Variants in CHRNA7 observed in about 807,000 individuals in gnomAD.
The protein encoded by CHRNA7 is cholinergic receptor nicotinic alpha 7 subunit.
In CHRNA7, 17 loss-of-function variants were observed where a neutral mutation model predicts 48.0. The ratio of observed to expected loss-of-function variants is 0.35; its 90% CI spans 0.24 to 0.53. CHRNA7 has a LOEUF of 0.53. Ranked by LOEUF, CHRNA7 falls within the 20% of genes least tolerant of loss-of-function variation. The probability of loss-of-function intolerance (pLI) is 0.92; values close to 1 mark genes in which losing one functional copy is unlikely to be tolerated. For missense variants in CHRNA7, 155 were observed against 577.7 expected (o/e 0.27, Z 7.50); for synonymous variants, 75 against 242.3 (o/e 0.31, Z 6.41).
intron 2 of CHRNA7, 26 bp downstream of exon 2, chr15:32,031,063 G>T (rs1171636274): frequency 6.2e-7 from 1 of 1,612,856 alleles, no homozygotes; most frequent in Non-Finnish European, 8.5e-7. Flanking sequence ...CTACAGGGCT[G>T]CCCTCTCCCC....
At chr15:32,066,198 T>C (rs1242669286) in intron 2 of CHRNA7, among the ~76,000 whole-genome samples, 1 of 152,118 alleles carries the variant, frequency 6.6e-6, no homozygotes, top group African/African-American at 2.4e-5. Context: ...ACAGAATTAG[T>C]TGAGAAAAGT....
At chr15:32,077,513 CATT>C (rs776594723) in intron 2 of CHRNA7, among the ~76,000 whole-genome samples, 8 of 152,090 alleles carry the variant, frequency 5.3e-5, no homozygotes, top group African/African-American at 1.9e-4. Flanking sequence ...AGTGGTATCT[CATT>C]GTTGTTTTAC....
chr15:32,169,040 A>C lies in CHRNA7; in HGVS notation c.*582A>C, dbSNP rs529124447. ...TGATGCTGTTTCTACATTAAAAAAA[A>C]AAAAAAAAGACAGACTGTTGGTCTT... On this transcript the variant is annotated 3_prime_UTR_variant, in exon 10 of 10. Transcript: ENST00000306901. 6.7e-6 allele frequency: 1 copy of C among 149,384 alleles called. No homozygotes were observed. The highest frequency in any genetic ancestry group is 2.6e-5 in the African/African-American group (1 of 38,936). 9.3% of individuals were successfully genotyped at this position (149,384 alleles called of 1,614,324 possible).
At chr15:32,104,768 G>A (rs1019056490) in intron 3 of CHRNA7, among the ~76,000 whole-genome samples, 13 of 152,202 alleles carry the variant, frequency 8.5e-5, no homozygotes, top group Non-Finnish European at 1.3e-4. Context: ...CAGCACTTTC[G>A]TACTGTGTGT....
chr15:32,101,871 G>T (rs1595447437), intron 3 of CHRNA7: 1 of 152,346 alleles, frequency 6.6e-6, no homozygotes, highest in Non-Finnish European at 1.5e-5. Context: ...AATTGCAAAT[G>T]ATGCCACTTA....
At chr15:32,137,288 AAC>A (rs1370217187) in intron 4 of CHRNA7, among the ~76,000 whole-genome samples, 14 of 152,032 alleles carry the variant, frequency 9.2e-5, no homozygotes, top group African/African-American at 3.4e-4. Context: ...AAAAAGGAAA[AAC>A]AAAAACAGGA....
chr15:32,046,455 C>T (rs1359567299), intron 2 of CHRNA7, among the ~76,000 whole-genome samples: 13 of 149,616 alleles, frequency 8.7e-5, no homozygotes, highest in Admixed American at 4.7e-4. Flanking sequence ...CTTTTGGCTG[C>T]ATAAATGTCT....
chr15:32,151,985 G>A (rs1206709331), intron 4 of CHRNA7, among the ~76,000 whole-genome samples: 4 of 152,152 alleles, frequency 2.6e-5, no homozygotes. Context: ...CTGGGGTGCT[G>A]GTACTTTGAC....
chr15:32,087,272 T>C (rs1031979123), intron 2 of CHRNA7, among the ~76,000 whole-genome samples: 24 of 152,266 alleles, frequency 1.6e-4, no homozygotes, highest in African/African-American at 5.8e-4. Flanking sequence ...CACTAGGTAC[T>C]TGTTAAATTT....
chr15:32,090,232 C>T (rs2050361986), intron 2 of CHRNA7, among the ~76,000 whole-genome samples: 1 of 152,176 alleles, frequency 6.6e-6, no homozygotes, highest in South Asian at 2.1e-4. Context: ...CAGGGATAAG[C>T]TCTGAGAAAC....
intron 2 of CHRNA7, among the ~76,000 whole-genome samples, chr15:32,062,487 C>A (rs28704995): frequency 0.11 from 17,144 of 152,016 alleles, 1,512 homozygotes; most frequent in African/African-American, 0.24. Flanking sequence ...TCCAGTAGAC[C>A]TGTAATTTTC....
chr15:32,127,526 T>A (rs1341909466), intron 4 of CHRNA7, among the ~76,000 whole-genome samples: 1 of 152,158 alleles, frequency 6.6e-6, no homozygotes, highest in Non-Finnish European at 1.5e-5. Flanking sequence ...ATTGTGTTTT[T>A]AATTTACATT....
At chr15:32,109,504 G>T (rs1352681128) in intron 3 of CHRNA7, among the ~76,000 whole-genome samples, 1 of 152,144 alleles carries the variant, frequency 6.6e-6, no homozygotes, top group East Asian at 1.9e-4. Flanking sequence ...ATTTAAGATG[G>T]AGTTTCCCTG....
intron 4 of CHRNA7, among the ~76,000 whole-genome samples, chr15:32,120,315 C>CT (rs1258618286): frequency 6.6e-6 from 1 of 152,162 alleles, no homozygotes; most frequent in Non-Finnish European, 1.5e-5. Flanking sequence ...TTCCCTCCCT[C>CT]TGAGCTGGCT....
intron 4 of CHRNA7, among the ~76,000 whole-genome samples, chr15:32,112,606 T>C (rs1353621898): frequency 6.6e-6 from 1 of 152,242 alleles, no homozygotes; most frequent in Non-Finnish European, 1.5e-5. Flanking sequence ...CATTTCTGAC[T>C]AATAAGGTGT....
chr15:32,137,620 C>T (rs1230778612), intron 4 of CHRNA7, among the ~76,000 whole-genome samples: 1 of 152,036 alleles, frequency 6.6e-6, no homozygotes, highest in African/African-American at 2.4e-5. Flanking sequence ...AAGTCTTACC[C>T]AATATATAGA....
chr15:32,114,424 C>T (rs1032089986), intron 4 of CHRNA7, among the ~76,000 whole-genome samples: 6 of 152,076 alleles, frequency 3.9e-5, no homozygotes, highest in African/African-American at 4.8e-5. Flanking sequence ...ACCCAGCTGC[C>T]GGTGCAGAAC....
chr15:32,043,789 T>A (rs2049488871), intron 2 of CHRNA7, among the ~76,000 whole-genome samples: 1 of 152,214 alleles, frequency 6.6e-6, no homozygotes, highest in African/African-American at 2.4e-5. Flanking sequence ...AATTCCTCCC[T>A]GTATCTTCTA....
Position 32,138,208 on chromosome 15 carries a change from C to G in CHRNA7, c.351-15699C>G, listed in dbSNP as rs76143048. 3.3e-3 allele frequency among the ~76,000 whole-genome samples: 498 copies of G among 152,040 alleles called. 1 individual carries two copies. The highest frequency in any genetic ancestry group is 5.5e-3 in the Non-Finnish European group (377 of 67,934). The stretch of plus-strand genomic sequence containing the variant: ...AATTACCAAGAAAACAAAGAAGGCA[C>G]AAACAAACATTTACTGGATATAAAA... On this transcript the variant is annotated intron_variant, in intron 4 of 9. Transcript: ENST00000306901.
Sources: allele counts gnomAD v4.1 joint callset (sites outside exome capture counted in the v4.1 genomes callset), GRCh38; gene constraint gnomAD v4.1.1; transcripts MANE v1.5; gene names NCBI Gene and HGNC (gene_info 2026-07-23, HGNC 2026-07-21).